The following PCDH7 variants were observed in gnomAD, a reference collection of about 807,000 sequenced individuals.
PCDH7 encodes protocadherin 7.
PCDH7 carries 17 observed loss-of-function variants against 58.9 expected under a neutral mutation model. The observed-to-expected ratio is 0.29, with a 90% CI of 0.20 to 0.43. PCDH7 has a LOEUF of 0.43. PCDH7 is among the 20% of genes least tolerant of loss of function. PCDH7 has a pLI of 1.00. For synonymous variants in PCDH7, 664 were observed against 616.4 expected (o/e 1.08, Z -1.14); for missense variants, 1,274 against 1,441.0 (o/e 0.88, Z 1.88).
At chr4:30,762,940 A>T (rs1720213528) in intron 1 of PCDH7, among the ~76,000 whole-genome samples, 1 of 152,202 alleles carries the variant, frequency 6.6e-6, no homozygotes, top group South Asian at 2.1e-4. Context: ...CAGCAATTTA[A>T]ATATAAATAT....
chr4:30,739,146 A>T (rs1362125450), intron 1 of PCDH7, among the ~76,000 whole-genome samples: 1 of 146,654 alleles, frequency 6.8e-6, no homozygotes, highest in Non-Finnish European at 1.5e-5. Flanking sequence ...AAATATATAT[A>T]TTTTATATAT....
chr4:30,787,504 T>C (rs757346198), intron 1 of PCDH7, among the ~76,000 whole-genome samples: 5 of 152,118 alleles, frequency 3.3e-5, no homozygotes, highest in Non-Finnish European at 4.4e-5. Context: ...TAGATCACAG[T>C]ATATGTCACA....
At chr4:31,142,961 A>G, downstream of PCDH7, 2 of 757,906 alleles carry the variant, frequency 2.6e-6, no homozygotes, top group Non-Finnish European at 3.8e-6. Context: ...CAAAGAGACA[A>G]AGCTTTGCCT....
chr4:30,861,176 T>A (rs1734150341), intron 1 of PCDH7, among the ~76,000 whole-genome samples: 1 of 152,136 alleles, frequency 6.6e-6, no homozygotes, highest in Non-Finnish European at 1.5e-5. Context: ...GAAGTACTGT[T>A]CTTTGTATGT....
At position 30,937,174 on chromosome 4, in the gene PCDH7, A is replaced by G. The variant is rs563370349; in HGVS notation, c.288-12946A>G. 8.6e-4 allele frequency among the ~76,000 whole-genome samples: 130 copies of G among 151,712 alleles called. 1 individual carries two copies. Among genetic ancestry groups the G allele is most frequent in the African/African-American group, 3.0e-3 (125 of 41,532 alleles). On this transcript the variant is annotated intron_variant, in intron 2 of 3. Transcript: ENST00000509759. ...GTAAAGTAAGCAGTAAAATATATTAAATAATTTATTTAATACTTCTAATAT... is the reference window on the plus strand; with the variant it reads ...GTAAAGTAAGCAGTAAAATATATTAGATAATTTATTTAATACTTCTAATAT...
intron 3 of PCDH7, among the ~76,000 whole-genome samples, chr4:31,058,922 C>T (rs1378164103): frequency 6.6e-6 from 1 of 151,912 alleles, no homozygotes; most frequent in African/African-American, 2.4e-5. Flanking sequence ...ACACTCACTG[C>T]CACATGTAAC....
intron 1 of PCDH7, among the ~76,000 whole-genome samples, chr4:30,873,266 A>T (rs988997007): frequency 1.3e-5 from 2 of 152,074 alleles, no homozygotes; most frequent in African/African-American, 4.8e-5. Context: ...TTTTAAGGAA[A>T]ATTGATTCAA....
At chr4:30,838,944 C>T (rs887196675) in intron 1 of PCDH7, among the ~76,000 whole-genome samples, 3 of 152,022 alleles carry the variant, frequency 2.0e-5, no homozygotes, top group African/African-American at 7.2e-5. Flanking sequence ...TACCTTCCTT[C>T]CTTCCATCCT....
At chr4:31,068,108 T>C (rs1039755787) in intron 3 of PCDH7, among the ~76,000 whole-genome samples, 2 of 151,952 alleles carry the variant, frequency 1.3e-5, no homozygotes, top group Non-Finnish European at 2.9e-5. Flanking sequence ...TGGCGTTTTC[T>C]TACGGGCAAA....
intron 1 of PCDH7, among the ~76,000 whole-genome samples, chr4:30,727,457 A>G (rs772047398): frequency 1.8e-4 from 27 of 151,968 alleles, no homozygotes; most frequent in Non-Finnish European, 2.8e-4. Context: ...TGTGTGTGGT[A>G]GAGTTGCTGG....
intron 3 of PCDH7, among the ~76,000 whole-genome samples, chr4:31,020,654 G>T: frequency 6.6e-6 from 1 of 152,164 alleles, no homozygotes; most frequent in East Asian, 1.9e-4. Context: ...TGTGGATTCA[G>T]AAACTAAACA....
intron 1 of PCDH7, among the ~76,000 whole-genome samples, chr4:30,797,509 C>T (rs1724952546): frequency 6.8e-6 from 1 of 147,856 alleles, no homozygotes; most frequent in Non-Finnish European, 1.5e-5. Flanking sequence ...TTCCTGACCT[C>T]GTGATCTGCC....
At chr4:31,086,385 T>C (rs1712441713) in intron 3 of PCDH7, among the ~76,000 whole-genome samples, 1 of 152,186 alleles carries the variant, frequency 6.6e-6, no homozygotes. Context: ...ATGCTGTGTG[T>C]CTGTGTGTGC....
At chr4:31,115,069 T>C (rs1716830278) in intron 3 of PCDH7, among the ~76,000 whole-genome samples, 1 of 152,226 alleles carries the variant, frequency 6.6e-6, no homozygotes. Flanking sequence ...CTGTCACTTC[T>C]GACCCGTTTC....
chr4:30,800,836 A>G (rs142568908), intron 1 of PCDH7, among the ~76,000 whole-genome samples: 6 of 152,316 alleles, frequency 3.9e-5, no homozygotes, highest in Non-Finnish European at 8.8e-5. Context: ...GGAAAGAGAA[A>G]CTGGACTTAG....
chr4:30,802,385 G>A (rs1002032327), intron 1 of PCDH7, among the ~76,000 whole-genome samples: 2 of 152,136 alleles, frequency 1.3e-5, no homozygotes, highest in African/African-American at 4.8e-5. Flanking sequence ...GGAAAGAGCA[G>A]TTCGGCAGTG....
In PCDH7 at chr4:30,721,565, T is replaced by C; in HGVS notation, c.143T>C (p.Ile48Thr). 6.2e-7 allele frequency: 1 copy of C among 1,606,526 alleles called. No homozygotes were observed. The highest frequency in any genetic ancestry group is 8.5e-7 in the Non-Finnish European group (1 of 1,179,858). The change falls in exon 1 of 2, where the codon ATC becomes ACC. Residue 48 changes from isoleucine to threonine, a missense_variant. Physicochemically the swap from Ile to Thr is moderately conservative, Grantham distance 89. Transcript: ENST00000361762. The surrounding 1 kb of genome is among the most constrained non-coding windows in gnomAD (Gnocchi z 6.7). ...GAGGAGGGCCCCGCCGACGTCCGCA[T>C]CGGCAACGTGGCTTCAGACCTGGGC... is the stretch of plus-strand genomic sequence containing the variant.
chr4:30,792,966 A>AT (rs1232838977), intron 1 of PCDH7, among the ~76,000 whole-genome samples: 1 of 152,260 alleles, frequency 6.6e-6, no homozygotes, highest in Non-Finnish European at 1.5e-5. Context: ...AAAGTATGCC[A>AT]TTTTTTCAAC....
At chr4:31,062,031 T>G (rs1757729942) in intron 3 of PCDH7, among the ~76,000 whole-genome samples, 1 of 151,654 alleles carries the variant, frequency 6.6e-6, no homozygotes, top group Non-Finnish European at 1.5e-5. Flanking sequence ...CAAGGGAGAG[T>G]AACAGTGGAT....
Sources: allele counts gnomAD v4.1 joint callset (sites outside exome capture counted in the v4.1 genomes callset), GRCh38; gene constraint gnomAD v4.1.1; non-coding constraint Gnocchi (gnomAD v3.1); transcripts MANE v1.5; gene names NCBI Gene and HGNC (gene_info 2026-07-23, HGNC 2026-07-21).